GTF3C1: variants seen among roughly 807,000 people sequenced by gnomAD.
GTF3C1 encodes general transcription factor IIIC subunit 1.
Under a neutral mutation model 226.7 loss-of-function variants are expected in GTF3C1, and 57 were observed. That is an observed-to-expected ratio of 0.25 (90% CI 0.20 to 0.31). The LOEUF (loss-of-function observed/expected upper bound fraction) is 0.31. Among genes scored for constraint, GTF3C1 ranks in the 10% least tolerant of loss-of-function variants. The pLI is 1.00. For synonymous variants in GTF3C1, 1,090 were observed against 1,084.8 expected (o/e 1.00, Z -0.09); for missense variants, 2,217 against 2,776.1 (o/e 0.80, Z 4.53).
intron 6 of GTF3C1, among the ~76,000 whole-genome samples, chr16:27,514,419 A>C (rs1233857585): frequency 6.6e-6 from 1 of 152,124 alleles, no homozygotes; most frequent in Non-Finnish European, 1.5e-5. Context: ...GAACTATCTG[A>C]AGGCTCGGGC....
chr16:27,541,782 T>C (rs1030495013), intron 2 of GTF3C1, among the ~76,000 whole-genome samples: 1 of 152,120 alleles, frequency 6.6e-6, no homozygotes, highest in Admixed American at 6.6e-5. Context: ...GTCGGAGCAC[T>C]GGGTGAGCAG....
At chr16:27,464,890 T>G (rs1404270592) in intron 33 of GTF3C1, 54 bp from the exon 34 acceptor site, 3 of 1,403,868 alleles carry the variant, frequency 2.1e-6, no homozygotes, top group Admixed American at 2.6e-5. Context: ...TCCTCCACGC[T>G]GGTGACGGGG....
At position 27,461,598 on chromosome 16, in the gene GTF3C1, G is replaced by T; in HGVS notation, c.6118-36C>A. ...CAGACACACAGGTTACAGCGGCACT[G>T]CCCTCGCCTGCTTGTTGATTTATTC... On this transcript the variant is annotated intron_variant, in intron 36 of 36. Transcript: ENST00000356183. This position sits in a 1 kb window ranked among gnomAD's most constrained non-coding sequence, Gnocchi z 5.3. The T allele has an allele frequency of 2.1e-6, 3 of 1,425,150 alleles. No individual in the cohort carries two copies. Among genetic ancestry groups the T allele is most frequent in the Non-Finnish European group, 2.0e-6 (2 of 1,012,074 alleles). The allele number at this position is 1,425,150 out of a possible 1,614,324, so 88.3% of individuals were successfully genotyped here.
chr16:27,501,108 G>T, intron 12 of GTF3C1, 83 bp downstream of exon 12: 1 of 1,124,602 alleles, frequency 8.9e-7, no homozygotes, highest in South Asian at 1.4e-5. Flanking sequence ...CAACTACCAG[G>T]ATACAGCAAT....
intron 2 of GTF3C1, among the ~76,000 whole-genome samples, chr16:27,544,706 T>C (rs1242972686): frequency 1.3e-5 from 2 of 151,472 alleles, no homozygotes; most frequent in Non-Finnish European, 2.9e-5. Context: ...GGAATTGGGA[T>C]ACTGACTGAG....
rs931063976 is a variant in GTF3C1, at chr16:27,471,142, G to A, written c.4526+606C>T. Among the ~76,000 whole-genome samples the A allele has an allele frequency of 3.3e-5, 5 of 152,234 alleles. No individual in the cohort carries two copies. Among genetic ancestry groups the A allele is most frequent in the Non-Finnish European group, 4.4e-5 (3 of 68,042 alleles). ...TCTCTGAGCATCTGACTGCAGCCCC[G>A]TGCAGACCTGAGTGCGGGGAAGGAG... On this transcript the variant is annotated intron_variant, in intron 30 of 36. Transcript: ENST00000356183. The surrounding 1 kb of genome is among the most constrained non-coding windows in gnomAD (Gnocchi z 5.0).
rs1212437868 is a variant in GTF3C1, at chr16:27,507,879, G to C, written c.1242+661C>G. Among the ~76,000 whole-genome samples, 1 of 152,262 alleles carries C rather than the reference G, an allele frequency of 6.6e-6. No homozygotes were observed. The highest frequency in any genetic ancestry group is 1.5e-5 in the Non-Finnish European group (1 of 68,040). On this transcript the variant is annotated intron_variant, in intron 8 of 36. Transcript: ENST00000356183. This position sits in a 1 kb window ranked among gnomAD's most constrained non-coding sequence, Gnocchi z 4.9. ...GCCAGGCAAGTAACATGCATAAGAAGGAGGGCCAAGTGGGGATGGTGGAAC... is the reference window on the plus strand; with the variant it reads ...GCCAGGCAAGTAACATGCATAAGAACGAGGGCCAAGTGGGGATGGTGGAAC...
chr16:27,505,872 C>T (rs781055547), intron 10 of GTF3C1, 27 bp downstream of exon 10: 26 of 1,269,966 alleles, frequency 2.0e-5, no homozygotes, highest in Middle Eastern at 1.9e-4. Flanking sequence ...TTCTTGGAGA[C>T]AGCTCCCTCC....
In GTF3C1 at chr16:27,507,645, G is replaced by A. The variant is rs1251344222; in HGVS notation, c.1243-489C>T. Among the ~76,000 whole-genome samples the A allele has an allele frequency of 2.0e-5, 3 of 152,234 alleles. No homozygotes were observed. The highest frequency in any genetic ancestry group is 1.5e-5 in the Non-Finnish European group (1 of 68,040). On this transcript the variant is annotated intron_variant, in intron 8 of 36. Coordinates refer to ENST00000356183, the MANE Select transcript of GTF3C1 (RefSeq NM_001520.4). The surrounding 1 kb of genome is among the most constrained non-coding windows in gnomAD (Gnocchi z 4.9). Reference sequence around the variant, plus strand: ...GCAAGGGGCTCTTCCCAGGGCCTTTGATAGGAAAAGAGTAACATCTAGGTA... The same window carrying A: ...GCAAGGGGCTCTTCCCAGGGCCTTTAATAGGAAAAGAGTAACATCTAGGTA...
At position 27,463,444 on chromosome 16, in the gene GTF3C1, C is replaced by T; in HGVS notation, c.5924+97G>A. 1 of 764,268 alleles carries T rather than the reference C, an allele frequency of 1.3e-6. No homozygotes were observed. The highest frequency in any genetic ancestry group is 2.3e-6 in the Non-Finnish European group (1 of 432,188). The allele number at this position is 764,268 out of a possible 1,614,324, so 47.3% of individuals were successfully genotyped here. ...CCGGGCAGGCTGTCAGAGCTGGTAC[C>T]TGGGGAAAGACCCTCAAAGACCCTC... On this transcript the variant is annotated intron_variant, in intron 35 of 36. Transcript: ENST00000356183. This position sits in a 1 kb window ranked among gnomAD's most constrained non-coding sequence, Gnocchi z 4.9.
intron 10 of GTF3C1, among the ~76,000 whole-genome samples, chr16:27,504,838 G>A (rs1407801758): frequency 6.6e-6 from 1 of 152,202 alleles, no homozygotes; most frequent in Non-Finnish European, 1.5e-5. Context: ...GGCTGAAGCA[G>A]GAGGATCACT....
In GTF3C1 at chr16:27,528,630, T is replaced by C. The variant is rs1248618293; in HGVS notation, c.941A>G (p.His314Arg). Reference protein sequence around the residue: ...KVVSLRLQEIHPECGPCKTKK... With the variant: ...KVVSLRLQEIRPECGPCKTKK... ...TGTCTTACAAGGTCCACATTCAGGG[T>C]GGATCTCTTGCAAGCGAAGAGACAC... Residue 314 changes from histidine (H) to arginine (R), a missense_variant, in exon 6 of 37, where the codon CAC (histidine) becomes CGC (arginine). By Grantham distance (29) the His-to-Arg change is conservative. Coordinates refer to ENST00000356183, the MANE Select transcript of GTF3C1 (RefSeq NM_001520.4). 4 of 1,612,130 alleles carry C rather than the reference T, an allele frequency of 2.5e-6. No homozygotes were observed. The highest frequency in any genetic ancestry group is 2.2e-5 in the South Asian group (2 of 91,026).
Position 27,503,128 on chromosome 16 carries a change from C to A in GTF3C1, c.1771-133G>T, listed in dbSNP as rs533965066. The A allele has an allele frequency of 7.8e-6, 5 of 637,110 alleles. No individual in the cohort carries two copies. In the East Asian group the frequency reaches 1.4e-4, roughly 17 times the overall value. The allele number at this position is 637,110 out of a possible 1,614,324, so 39.5% of individuals were successfully genotyped here. A position where few individuals can be genotyped will look rare whatever the true frequency, so the allele number is the denominator to read the frequency against. ...TCTTTCAAGAAGGGAAGCCAAGAAG[C>A]CTGTTCTCCTACACAGAATCCCACT... On this transcript the variant is annotated intron_variant, in intron 10 of 36. Transcript: ENST00000356183.
intron 14 of GTF3C1, among the ~76,000 whole-genome samples, chr16:27,496,878 T>A (rs988656841): frequency 6.6e-6 from 1 of 152,142 alleles, no homozygotes; most frequent in African/African-American, 2.4e-5. Flanking sequence ...TCCATTCGAG[T>A]GCAAATGCTG....
rs751045906 is a variant in GTF3C1, at chr16:27,464,639, T to C, written c.5553A>G (p.Ala1851=). The change falls in exon 34 of 37, where the codon GCA becomes GCG. Residue 1851 remains alanine (A), a synonymous_variant. Coordinates refer to ENST00000356183, the MANE Select transcript of GTF3C1 (RefSeq NM_001520.4). ...SSEDSPPEGQ[A]PPSHSPRGTK... ...TGCCCCGGGGGCTGTGAGAAGGAGG[T>C]GCCTGCCCCTCGGGGGGGCTGTCCT... 1.2e-4 allele frequency: 189 copies of C among 1,512,184 alleles called. No homozygotes were observed. Among genetic ancestry groups the C allele is most frequent in the Non-Finnish European group, 1.6e-4 (179 of 1,132,222 alleles). 93.7% of individuals were successfully genotyped at this position (1,512,184 alleles called of 1,614,324 possible).
chr16:27,524,717 C>T (rs539208679), intron 6 of GTF3C1, among the ~76,000 whole-genome samples: 1 of 152,348 alleles, frequency 6.6e-6, no homozygotes, highest in South Asian at 2.1e-4. Context: ...AACTAAGGTT[C>T]CTCCTTAGTT....
At chr16:27,474,225 G>A (rs147439576) in intron 29 of GTF3C1, among the ~76,000 whole-genome samples, 3 of 152,302 alleles carry the variant, frequency 2.0e-5, no homozygotes, top group Non-Finnish European at 2.9e-5. Flanking sequence ...GGGAGGCTAC[G>A]CAGGCCGGTG....
At chr16:27,540,539 C>G (rs1184468398) in intron 2 of GTF3C1, among the ~76,000 whole-genome samples, 1 of 152,172 alleles carries the variant, frequency 6.6e-6, no homozygotes, top group Non-Finnish European at 1.5e-5. Flanking sequence ...ATAACTCCGG[C>G]TAGTTTTAAT....
chr16:27,475,537 C>A (rs944645692), intron 29 of GTF3C1, among the ~76,000 whole-genome samples: 1 of 152,052 alleles, frequency 6.6e-6, no homozygotes, highest in Non-Finnish European at 1.5e-5. Context: ...ACCCTCAGCA[C>A]CTCTCTGTTG....
Sources: gnomAD v4.1 joint callset for allele counts (sites outside exome capture counted in the v4.1 genomes callset) on GRCh38, gnomAD v4.1.1 for gene constraint, Gnocchi (gnomAD v3.1) non-coding constraint, MANE v1.5 for transcripts, NCBI Gene and HGNC (gene_info 2026-07-23, HGNC 2026-07-21) for gene names.